The following DOP1B variants were observed in gnomAD, a reference collection of about 807,000 sequenced individuals.
DOP1B encodes protein DOP1B.
DOP1B carries 174 observed loss-of-function variants against 233.5 expected under a neutral mutation model. The observed-to-expected ratio is 0.75, with a 90% CI of 0.66 to 0.85. DOP1B has a LOEUF of 0.85. Ranked by LOEUF, DOP1B falls within the 40% of genes least tolerant of loss-of-function variation. The probability of loss-of-function intolerance (pLI) is 0.00; values close to 1 mark genes in which losing one functional copy is unlikely to be tolerated. For synonymous variants in DOP1B, 1,190 were observed against 1,185.6 expected, an observed-to-expected ratio of 1.00 and a Z score of -0.08; for missense variants, 2,652 against 2,846.6, an observed-to-expected ratio of 0.93 and a Z score of 1.56.
At position 36,293,792 on chromosome 21, in the gene DOP1B, G is replaced by A; in HGVS notation, c.*221G>A. On this transcript the variant is annotated 3_prime_UTR_variant, in exon 37 of 37. Transcript: ENST00000691173. ...GAGGTCAGGAGTTCGAGACCAGCCT[G>A]ACCAACATGGTGAGACCCTGTCTCT... The A allele has an allele frequency of 4.1e-6, 2 of 483,810 alleles. No homozygotes were observed. Among genetic ancestry groups the A allele is most frequent in the South Asian group, 4.3e-5 (2 of 46,220 alleles). The allele number at this position is 483,810 out of a possible 1,614,324, so 30.0% of individuals were successfully genotyped here.
intron 10 of DOP1B, among the ~76,000 whole-genome samples, chr21:36,221,111 A>G (rs2066617902): frequency 6.6e-6 from 1 of 152,054 alleles, no homozygotes; most frequent in East Asian, 1.9e-4. Flanking sequence ...GTGCCCGGCC[A>G]CTGCTTGTTT....
At chr21:36,277,606 G>A (rs970606940) in intron 28 of DOP1B, among the ~76,000 whole-genome samples, 4 of 149,898 alleles carry the variant, frequency 2.7e-5, no homozygotes, top group African/African-American at 4.9e-5. Flanking sequence ...ATTGTTGCTC[G>A]CTTCCAAGGG....
intron 26 of DOP1B, among the ~76,000 whole-genome samples, chr21:36,266,399 C>T (rs897135281): frequency 1.3e-5 from 2 of 152,182 alleles, no homozygotes; most frequent in African/African-American, 4.8e-5. Context: ...TGGTCTCGAA[C>T]TCGTGACCTC....
intron 4 of DOP1B, among the ~76,000 whole-genome samples, chr21:36,206,754 G>T (rs1211528705): frequency 6.6e-6 from 1 of 152,192 alleles, no homozygotes; most frequent in East Asian, 1.9e-4. Flanking sequence ...TGTTTGTGAT[G>T]ATTTCAGAGC....
At chr21:36,192,902 G>A (rs2066249222) in intron 2 of DOP1B, among the ~76,000 whole-genome samples, 1 of 151,920 alleles carries the variant, frequency 6.6e-6, no homozygotes, top group Admixed American at 6.6e-5. Flanking sequence ...TGTTAGCCAG[G>A]ATGGTCTTGA....
At chr21:36,275,630 A>G (rs1476288267) in intron 27 of DOP1B, among the ~76,000 whole-genome samples, 1 of 151,918 alleles carries the variant, frequency 6.6e-6, no homozygotes, top group Non-Finnish European at 1.5e-5. Flanking sequence ...AAAAAAAAAA[A>G]AAAAGAATTA....
intron 4 of DOP1B, among the ~76,000 whole-genome samples, chr21:36,204,566 C>T (rs1334696208): frequency 1.3e-5 from 2 of 152,054 alleles, no homozygotes; most frequent in African/African-American, 4.8e-5. Context: ...TCACTGCAGT[C>T]TCAACCTCCA....
intron 1 of DOP1B, among the ~76,000 whole-genome samples, chr21:36,161,838 C>T (rs891487173): frequency 1.3e-5 from 2 of 152,218 alleles, no homozygotes; most frequent in Non-Finnish European, 2.9e-5. Flanking sequence ...GAGGGCATTT[C>T]ATATCAATGG....
intron 2 of DOP1B, chr21:36,170,045 A>G: frequency 1.4e-6 from 1 of 723,326 alleles, no homozygotes; most frequent in Non-Finnish European, 2.6e-6. Context: ...TATCCCAGGA[A>G]GGCTGTGACG....
At chr21:36,270,214 T>C in intron 27 of DOP1B, 57 bp downstream of exon 27, 8 of 1,562,682 alleles carry the variant, frequency 5.1e-6, no homozygotes, top group Non-Finnish European at 6.9e-6. Context: ...TTCTGGCTTT[T>C]CCTTAAGAGA....
chr21:36,281,381 T>C (rs1039941610), intron 31 of DOP1B, 102 bp from the exon 32 acceptor site: 17 of 1,284,280 alleles, frequency 1.3e-5, no homozygotes, highest in Admixed American at 2.3e-5. Context: ...AAGATCATGA[T>C]TTTTCACCAG....
intron 18 of DOP1B, among the ~76,000 whole-genome samples, chr21:36,240,487 CATAA>C (rs1304560080): frequency 7.2e-5 from 11 of 152,252 alleles, no homozygotes; most frequent in Non-Finnish European, 1.5e-4. Context: ...TTCATAAATA[CATAA>C]ATAAATAAAT....
intron 4 of DOP1B, 145 bp from the exon 5 acceptor site, chr21:36,208,570 C>A: frequency 1.3e-6 from 1 of 794,866 alleles, no homozygotes; most frequent in Non-Finnish European, 1.9e-6. Context: ...TGAGAGATGG[C>A]AGCGGCTCCC....
Position 36,251,148 on chromosome 21 carries a change from TCCC to T in DOP1B, c.4999-13_4999-11del. ...ATATTACTCTGCAGTAACTTTTTTT[TCCC>T]TATTTTCTAGACCATAAGACAAAAA... On this transcript the variant is annotated splice_polypyrimidine_tract_variant and intron_variant, in intron 21 of 36. Transcript: ENST00000691173. 6.3e-7 allele frequency: 1 copy of T among 1,598,450 alleles called. No individual in the cohort carries two copies. The highest frequency in any genetic ancestry group is 1.1e-5 in the South Asian group (1 of 88,712).
chr21:36,199,663 A>G (rs1244261075), intron 3 of DOP1B, among the ~76,000 whole-genome samples: 1 of 150,260 alleles, frequency 6.7e-6, no homozygotes, highest in Non-Finnish European at 1.5e-5. Flanking sequence ...TTCAATCCCC[A>G]CCTATGAGTG....
chr21:36,169,966 A>G (rs1177797904), intron 2 of DOP1B: 1 of 765,422 alleles, frequency 1.3e-6, no homozygotes, highest in Non-Finnish European at 2.4e-6. Context: ...GGCCTCTACC[A>G]CCTCCTTCAC....
chr21:36,280,035 C>A (rs1413511029), intron 30 of DOP1B, among the ~76,000 whole-genome samples: 1 of 152,104 alleles, frequency 6.6e-6, no homozygotes. Context: ...GCCACCACGC[C>A]CTGCTAATTT....
chr21:36,215,022 G>A (rs575518890), intron 9 of DOP1B, among the ~76,000 whole-genome samples: 200 of 152,262 alleles, frequency 1.3e-3, no homozygotes, highest in African/African-American at 2.8e-3. Context: ...CAGCCTGGGC[G>A]ACAGAGTGAG....
At chr21:36,196,542 G>A (rs1419132045) in intron 2 of DOP1B, among the ~76,000 whole-genome samples, 1 of 148,834 alleles carries the variant, frequency 6.7e-6, no homozygotes. Flanking sequence ...TTTCCTTTTT[G>A]GAACATAAGC....
Sources: gnomAD v4.1 joint callset for allele counts (sites outside exome capture counted in the v4.1 genomes callset) on GRCh38, gnomAD v4.1.1 for gene constraint, MANE v1.5 for transcripts, NCBI Gene and HGNC (gene_info 2026-07-23, HGNC 2026-07-21) for gene names.